Variants in HS3ST4 observed in about 807,000 individuals in gnomAD.
HS3ST4 encodes the protein heparan sulfate glucosamine 3-O-sulfotransferase 4.
HS3ST4 carries 17 observed loss-of-function variants against 29.2 expected under a neutral mutation model. The ratio of observed to expected loss-of-function variants is 0.58; its 90% CI spans 0.40 to 0.87. The LOEUF (loss-of-function observed/expected upper bound fraction) is 0.87, where lower values mean the gene tolerates loss of function less well. Ranked by LOEUF, HS3ST4 falls within the 40% of genes least tolerant of loss-of-function variation. The pLI is 0.00. For missense variants in HS3ST4, 627 were observed against 634.5 expected (o/e 0.99, Z 0.13); for synonymous variants, 314 against 285.7 (o/e 1.10, Z -1.00).
At chr16:25,827,823 T>G (rs1318418193) in intron 1 of HS3ST4, among the ~76,000 whole-genome samples, 1 of 152,204 alleles carries the variant, frequency 6.6e-6, no homozygotes, top group Non-Finnish European at 1.5e-5. Context: ...TCATTTAATA[T>G]TCACAAGATG....
intron 1 of HS3ST4, among the ~76,000 whole-genome samples, chr16:25,821,493 G>T (rs1490166590): frequency 6.6e-6 from 1 of 152,034 alleles, no homozygotes; most frequent in Non-Finnish European, 1.5e-5. Context: ...CTCTGCATTT[G>T]TTTGGTCTGT....
chr16:25,716,917 G>A lies in HS3ST4; in HGVS notation c.734+23766G>A, dbSNP rs144021770. ...AAAAATACAAAAATTAGCCGGGCATGATGGTGCACACCTATAATTCCAGCT... is the reference window on the plus strand; with the variant it reads ...AAAAATACAAAAATTAGCCGGGCATAATGGTGCACACCTATAATTCCAGCT... On this transcript the variant is annotated intron_variant, in intron 1 of 1. Transcript: ENST00000331351. Among the ~76,000 whole-genome samples the A allele has an allele frequency of 5.3e-4, 80 of 152,320 alleles. 1 individual carries two copies. In the East Asian group the frequency reaches 0.015, roughly 28 times the overall value.
Position 25,847,013 on chromosome 16 carries a change from G to GTTT in HS3ST4, c.734+153875_734+153877dup, listed in dbSNP as rs5816327. On this transcript the variant is annotated intron_variant, in intron 1 of 1. Coordinates refer to ENST00000331351, the MANE Select transcript of HS3ST4 (RefSeq NM_006040.3). The stretch of plus-strand genomic sequence containing the variant: ...CTATTTTGCTCTCCCATCAACACGA[G>GTTT]TTTTTTTTTTTTTTTGACTCTTTTT... 7.3e-3 allele frequency among the ~76,000 whole-genome samples: 1,016 copies of GTTT among 138,326 alleles called. 12 individuals are homozygous for GTTT. The highest frequency in any genetic ancestry group is 0.026 in the African/African-American group (960 of 37,612). 90.7% of individuals were successfully genotyped at this position (138,326 alleles called of 152,430 possible).
chr16:25,766,796 A>G (rs1162957466), intron 1 of HS3ST4, among the ~76,000 whole-genome samples: 1 of 152,242 alleles, frequency 6.6e-6, no homozygotes, highest in East Asian at 1.9e-4. Context: ...ATGAGCAACC[A>G]CAGGCCTTGC....
At chr16:25,909,860 GTTAGT>G (rs1407378913) in intron 1 of HS3ST4, among the ~76,000 whole-genome samples, 1 of 152,088 alleles carries the variant, frequency 6.6e-6, no homozygotes, top group Admixed American at 6.5e-5. Flanking sequence ...TTTTTTGTTT[GTTAGT>G]TTAGTTTAGT....
chr16:25,918,512 A>AT (rs1968314753), intron 1 of HS3ST4, among the ~76,000 whole-genome samples: 1 of 152,236 alleles, frequency 6.6e-6, no homozygotes. Context: ...CCAAAGGAGC[A>AT]TGTAGCATGA....
intron 1 of HS3ST4, among the ~76,000 whole-genome samples, chr16:26,038,760 T>C (rs1969607554): frequency 6.6e-6 from 1 of 152,118 alleles, no homozygotes; most frequent in African/African-American, 2.4e-5. Flanking sequence ...CTCGGCTCAC[T>C]GCAAGCTCCG....
At chr16:25,816,706 A>C (rs377692869) in intron 1 of HS3ST4, among the ~76,000 whole-genome samples, 1 of 152,158 alleles carries the variant, frequency 6.6e-6, no homozygotes, top group Non-Finnish European at 1.5e-5. Context: ...TTTATCTCTT[A>C]CAGTTACAGG....
At chr16:26,057,444 T>G (rs1455193252) in intron 1 of HS3ST4, among the ~76,000 whole-genome samples, 1 of 152,090 alleles carries the variant, frequency 6.6e-6, no homozygotes, top group African/African-American at 2.4e-5. Flanking sequence ...TAGGAAGAAG[T>G]GATGTGTATC....
chr16:26,100,796 C>A (rs1452026789), intron 1 of HS3ST4, among the ~76,000 whole-genome samples: 1 of 152,182 alleles, frequency 6.6e-6, no homozygotes, highest in Non-Finnish European at 1.5e-5. Context: ...CCTCCCATAA[C>A]TCCATTACTG....
intron 1 of HS3ST4, among the ~76,000 whole-genome samples, chr16:26,023,066 C>A (rs1969430771): frequency 6.6e-6 from 1 of 152,028 alleles, no homozygotes; most frequent in African/African-American, 2.4e-5. Context: ...AGAAAAAAAA[C>A]CAACTGTATT....
rs546855184 is a variant in HS3ST4, at chr16:25,714,307, C to T, written c.734+21156C>T. Among the ~76,000 whole-genome samples the T allele has an allele frequency of 7.9e-5, 12 of 152,298 alleles. No individual in the cohort carries two copies. The South Asian group carries it at 1.7e-3, about 21-fold the overall frequency. On this transcript the variant is annotated intron_variant, in intron 1 of 1. Coordinates refer to ENST00000331351, the MANE Select transcript of HS3ST4 (RefSeq NM_006040.3). The stretch of plus-strand genomic sequence containing the variant: ...CCAGACGGGAACCACTGCTTAGAGC[C>T]GGCTGTGTCTCCTCCCCTTTGTCTG...
At chr16:26,076,962 A>G (rs928636924) in intron 1 of HS3ST4, among the ~76,000 whole-genome samples, 4 of 152,226 alleles carry the variant, frequency 2.6e-5, no homozygotes, top group African/African-American at 9.7e-5. Flanking sequence ...TGTTGCAGCT[A>G]GCTAGTGCTG....
chr16:25,953,203 G>C (rs1047853738), intron 1 of HS3ST4, among the ~76,000 whole-genome samples: 6 of 152,170 alleles, frequency 3.9e-5, no homozygotes, highest in Admixed American at 1.3e-4. Context: ...AGGAGCAGGT[G>C]GGGAGGCAGG....
intron 1 of HS3ST4, among the ~76,000 whole-genome samples, chr16:25,989,824 G>A (rs1205073913): frequency 6.6e-6 from 1 of 152,198 alleles, no homozygotes; most frequent in Non-Finnish European, 1.5e-5. Flanking sequence ...ATTCAGTTCA[G>A]CAAAGACGCA....
intron 1 of HS3ST4, among the ~76,000 whole-genome samples, chr16:25,963,299 C>A (rs1968812452): frequency 6.6e-6 from 1 of 152,122 alleles, no homozygotes; most frequent in Non-Finnish European, 1.5e-5. Context: ...TCGTCATGTT[C>A]CTGATAGCTG....
intron 1 of HS3ST4, among the ~76,000 whole-genome samples, chr16:26,074,285 CACAA>C (rs967009085): frequency 7.9e-5 from 12 of 152,182 alleles, no homozygotes; most frequent in African/African-American, 2.9e-4. Context: ...CTAAACCATT[CACAA>C]ACAATTTTTT....
intron 1 of HS3ST4, among the ~76,000 whole-genome samples, chr16:25,707,943 T>G (rs1468355006): frequency 6.6e-6 from 1 of 152,218 alleles, no homozygotes; most frequent in East Asian, 1.9e-4. Flanking sequence ...AGAGCATCAC[T>G]TATTGGAAAA....
intron 1 of HS3ST4, among the ~76,000 whole-genome samples, chr16:25,827,769 T>C (rs1467501682): frequency 6.6e-6 from 1 of 151,868 alleles, no homozygotes; most frequent in Non-Finnish European, 1.5e-5. Flanking sequence ...CTTTCAAGAG[T>C]CAATCTGGCC....
Sources: gnomAD v4.1 joint callset for allele counts (sites outside exome capture counted in the v4.1 genomes callset) on GRCh38, gnomAD v4.1.1 for gene constraint, MANE v1.5 for transcripts, NCBI Gene and HGNC (gene_info 2026-07-23, HGNC 2026-07-21) for gene names.